CDH20: variants seen among roughly 807,000 people sequenced by gnomAD.
CDH20 encodes cadherin 20.
A neutral mutation model predicts 74.2 loss-of-function variants in CDH20; 29 were observed. The observed-to-expected ratio is 0.39, with a 90% CI of 0.29 to 0.53. CDH20 has a LOEUF of 0.53. Ranked by LOEUF, CDH20 falls within the 20% of genes least tolerant of loss-of-function variation. The probability of loss-of-function intolerance (pLI) is 0.69; values close to 1 mark genes in which losing one functional copy is unlikely to be tolerated. For missense variants in CDH20, 988 were observed against 1,048.3 expected (o/e 0.94, Z 0.79); for synonymous variants, 469 against 405.4 (o/e 1.16, Z -1.88).
At chr18:61,459,519 G>A (rs973079286) in intron 1 of CDH20, among the ~76,000 whole-genome samples, 3 of 152,136 alleles carry the variant, frequency 2.0e-5, no homozygotes, top group East Asian at 3.9e-4. Context: ...CAGGTGTTGG[G>A]AGAAAGTCTG....
At chr18:61,513,868 C>T (rs551129296) in intron 6 of CDH20, among the ~76,000 whole-genome samples, 2,288 of 152,102 alleles carry the variant, frequency 0.015, 65 homozygotes, top group African/African-American at 0.052. Flanking sequence ...CCGAGAGATC[C>T]GCTATTAGTC....
At chr18:61,518,422 T>C (rs1912081011) in intron 6 of CDH20, among the ~76,000 whole-genome samples, 1 of 143,882 alleles carries the variant, frequency 7.0e-6, no homozygotes, top group African/African-American at 2.8e-5. Flanking sequence ...AGAGGAAGGA[T>C]CAGGCAGCAA....
rs780677922 is a variant in CDH20, at chr18:61,503,075, A to G, written c.784A>G (p.Ile262Val). Residue 262 changes from isoleucine (I) to valine (V), a missense_variant, in exon 5 of 12, where the codon ATC (isoleucine) becomes GTC (valine). Ile to Val is a conservative substitution (Grantham distance 29). This residue lies in a region of CDH20 where 613 missense variants were observed against 755.2 expected (regional missense o/e 0.81). Coordinates refer to ENST00000262717, the MANE Select transcript of CDH20 (RefSeq NM_031891.4). ...ATTAGCTGGGACCACAACAGTCAAC[A>G]TCACCCTCTCAGATGTCAATGATAA... is the stretch of plus-strand genomic sequence containing the variant. Reference protein sequence around the residue: ...GGLAGTTTVNITLSDVNDNPP... With the variant: ...GGLAGTTTVNVTLSDVNDNPP... 6.2e-7 allele frequency: 1 copy of G among 1,613,552 alleles called. No individual in the cohort carries two copies. Among genetic ancestry groups the G allele is most frequent in the South Asian group, 1.1e-5 (1 of 90,996 alleles).
At chr18:61,493,128 C>G (rs931067599) in intron 2 of CDH20, among the ~76,000 whole-genome samples, 2 of 152,180 alleles carry the variant, frequency 1.3e-5, no homozygotes, top group Non-Finnish European at 2.9e-5. Context: ...GCTGCAAATC[C>G]CTTGGCCTCA....
intron 11 of CDH20, 70 bp from the exon 12 acceptor site, chr18:61,554,120 A>G: frequency 6.5e-7 from 1 of 1,539,462 alleles, no homozygotes; most frequent in South Asian, 1.2e-5. Context: ...GTGAATCAAG[A>G]CTACTTCTAG....
intron 1 of CDH20, among the ~76,000 whole-genome samples, chr18:61,428,343 G>C (rs1482759191): frequency 6.6e-6 from 1 of 152,106 alleles, no homozygotes; most frequent in Non-Finnish European, 1.5e-5. Context: ...AGTGTAGGCG[G>C]CCCCAGATGT....
intron 7 of CDH20, among the ~76,000 whole-genome samples, chr18:61,529,246 T>A (rs1912556648): frequency 6.6e-6 from 1 of 152,218 alleles, no homozygotes; most frequent in African/African-American, 2.4e-5. Flanking sequence ...GGGGCTTTAG[T>A]GCAGATAACA....
chr18:61,358,131 T>G (rs1316939836), intron 1 of CDH20, among the ~76,000 whole-genome samples: 1 of 151,308 alleles, frequency 6.6e-6, no homozygotes, highest in African/African-American at 2.4e-5. Context: ...TTTTTTTTTT[T>G]CGAGATGGAG....
chr18:61,517,719 T>G (rs1354834776), intron 6 of CDH20, among the ~76,000 whole-genome samples: 1 of 152,100 alleles, frequency 6.6e-6, no homozygotes, highest in Non-Finnish European at 1.5e-5. Context: ...TGTTTTGTTT[T>G]GTTTTGTTTT....
intron 5 of CDH20, 21 bp downstream of exon 5, chr18:61,503,141 A>C (rs776453209): frequency 1.3e-6 from 2 of 1,560,370 alleles, no homozygotes; most frequent in South Asian, 2.5e-5. Context: ...AACCCAAGAG[A>C]GCACAGACCT....
rs149008231 is a variant in CDH20 at position 61,417,641 on chromosome 18, A to C, written c.-152-72761A>C. Reference sequence around the variant, plus strand: ...GGAGATAGGGAGTAGAATAATGGTTACCAGAGGCTGGGAAGGGTAGTGTGG... The same window carrying C: ...GGAGATAGGGAGTAGAATAATGGTTCCCAGAGGCTGGGAAGGGTAGTGTGG... On this transcript the variant is annotated intron_variant, in intron 1 of 11. Coordinates refer to ENST00000262717, the MANE Select transcript of CDH20 (RefSeq NM_031891.4). 5.8e-3 allele frequency among the ~76,000 whole-genome samples: 881 copies of C among 150,642 alleles called. 9 individuals carry two copies. The highest frequency in any genetic ancestry group is 0.02 in the African/African-American group (837 of 40,876).
intron 10 of CDH20, 48 bp from the exon 11 acceptor site, chr18:61,549,930 A>G (rs1270013982): frequency 6.3e-7 from 1 of 1,585,732 alleles, no homozygotes; most frequent in Admixed American, 1.7e-5. Flanking sequence ...AATCCAAGAA[A>G]TTAATTCACC....
At chr18:61,371,608 C>G (rs1305280896) in intron 1 of CDH20, among the ~76,000 whole-genome samples, 1 of 151,904 alleles carries the variant, frequency 6.6e-6, no homozygotes, top group Non-Finnish European at 1.5e-5. Flanking sequence ...TATTCATGCC[C>G]TCTGTGTCAC....
chr18:61,395,181 A>G (rs965039769), intron 1 of CDH20, among the ~76,000 whole-genome samples: 2 of 152,062 alleles, frequency 1.3e-5, no homozygotes, highest in African/African-American at 2.4e-5. Context: ...CTGAGAGAAA[A>G]GTGGTAAAGA....
chr18:61,390,524 A>C (rs1911746214), intron 1 of CDH20, among the ~76,000 whole-genome samples: 1 of 152,206 alleles, frequency 6.6e-6, no homozygotes, highest in African/African-American at 2.4e-5. Flanking sequence ...AAAAATAACC[A>C]GGAAGACTTG....
At chr18:61,434,874 A>C (rs1447186038) in intron 1 of CDH20, among the ~76,000 whole-genome samples, 1 of 152,180 alleles carries the variant, frequency 6.6e-6, no homozygotes, top group African/African-American at 2.4e-5. Flanking sequence ...ATACATCTTC[A>C]CAGTTCCTTT....
At chr18:61,425,737 A>G (rs1913048215) in intron 1 of CDH20, among the ~76,000 whole-genome samples, 1 of 152,208 alleles carries the variant, frequency 6.6e-6, no homozygotes, top group South Asian at 2.1e-4. Flanking sequence ...AACATTACAC[A>G]TTGGGTACAG....
chr18:61,550,095 C>T lies in CDH20; in HGVS notation c.1766C>T (p.Thr589Ile), dbSNP rs763381443. Residue 589 changes from threonine (T) to isoleucine (I), a missense_variant, in exon 11 of 12, where the codon ACA becomes ATA. By Grantham distance (89) the Thr-to-Ile change is moderately conservative. Around this residue, in one of 2 missense-constraint regions of CDH20, gnomAD observed 613 missense variants for 755.2 expected, o/e 0.81. Coordinates refer to ENST00000262717, the MANE Select transcript of CDH20 (RefSeq NM_031891.4). ...SGQPVLSSTG[T>I]LTIQVCSCDD... Reference sequence around the variant, plus strand: ...CAGCCCGTGCTGAGCAGCACAGGCACACTGACCATCCAAGTGTGCAGCTGT... The same window carrying T: ...CAGCCCGTGCTGAGCAGCACAGGCATACTGACCATCCAAGTGTGCAGCTGT... The T allele has an allele frequency of 6.8e-6, 11 of 1,614,140 alleles. No individual in the cohort carries two copies. The Admixed American group carries it at 1.5e-4, about 22-fold the overall frequency.
intron 1 of CDH20, among the ~76,000 whole-genome samples, chr18:61,436,734 T>C (rs964943768): frequency 2.0e-5 from 3 of 152,156 alleles, no homozygotes; most frequent in African/African-American, 7.2e-5. Flanking sequence ...GAACCTCAGA[T>C]TGTACCATGT....
Sources: gnomAD v4.1 joint callset for allele counts (sites outside exome capture counted in the v4.1 genomes callset) on GRCh38, gnomAD v4.1.1 for gene constraint, gnomAD v4.1.1 regional missense constraint, MANE v1.5 for transcripts, NCBI Gene and HGNC (gene_info 2026-07-23, HGNC 2026-07-21) for gene names.